MYO16: variants seen among roughly 807,000 people sequenced by gnomAD.
MYO16 encodes myosin XVI.
MYO16 carries 94 observed loss-of-function variants against 205.3 expected under a neutral mutation model. The observed-to-expected ratio is 0.46, with a 90% CI of 0.39 to 0.54. The LOEUF (loss-of-function observed/expected upper bound fraction) is 0.54, where lower values mean the gene tolerates loss of function less well. MYO16 is among the 20% of genes least tolerant of loss of function. The pLI is 0.00. For synonymous variants in MYO16, 988 were observed against 954.0 expected (o/e 1.04, Z -0.66); for missense variants, 2,315 against 2,387.5 (o/e 0.97, Z 0.63).
chr13:109,141,297 C>G lies in MYO16; in HGVS notation c.5085C>G (p.Asp1695Glu), dbSNP rs376722053. The G allele has an allele frequency of 1.2e-5, 19 of 1,596,744 alleles. No homozygotes were observed. Among genetic ancestry groups the G allele is most frequent in the African/African-American group, 5.4e-5 (4 of 73,606 alleles). The change falls in exon 32 of 35, where the codon GAC becomes GAG. Residue 1695 changes from aspartate to glutamate, a missense_variant. Transcript: ENST00000457511. This position sits in a 1 kb window ranked among gnomAD's most constrained non-coding sequence, Gnocchi z 4.1. The part of the protein sequence containing the change: ...PSSRPLSSPL[D>E]ELASLFNSGR... ...CCAGGCCTCTCAGCAGCCCCCTGGA[C>G]GAGCTCGCCAGCCTCTTCAACTCGG...
At chr13:109,067,463 A>G (rs1249843153) in intron 27 of MYO16, among the ~76,000 whole-genome samples, 2 of 152,138 alleles carry the variant, frequency 1.3e-5, no homozygotes, top group Non-Finnish European at 2.9e-5. Flanking sequence ...GGGTGTCTCT[A>G]ACCACTACAG....
intron 23 of MYO16, among the ~76,000 whole-genome samples, chr13:109,022,288 T>C (rs1886065170): frequency 7.9e-6 from 1 of 126,236 alleles, no homozygotes; most frequent in African/African-American, 3.1e-5. Flanking sequence ...TATATACAAA[T>C]ATAATATACA....
intron 2 of MYO16, among the ~76,000 whole-genome samples, chr13:108,671,659 G>T (rs2139446333): frequency 6.6e-6 from 1 of 152,276 alleles, no homozygotes; most frequent in South Asian, 2.1e-4. Context: ...TGTCTGTTCA[G>T]CTCAGTCTGC....
At chr13:109,183,435 T>C (rs1879541540) in intron 34 of MYO16, among the ~76,000 whole-genome samples, 1 of 152,204 alleles carries the variant, frequency 6.6e-6, no homozygotes, top group South Asian at 2.1e-4. Context: ...ACAAAAATGC[T>C]TGGTACTTGC....
chr13:109,008,740 G>A (rs1191245238), intron 21 of MYO16, among the ~76,000 whole-genome samples, 157 bp from the exon 22 acceptor site: 1 of 145,134 alleles, frequency 6.9e-6, no homozygotes, highest in Non-Finnish European at 1.5e-5. Context: ...TCTATCTTGT[G>A]TATGCACTAC....
intron 34 of MYO16, among the ~76,000 whole-genome samples, chr13:109,184,301 C>A (rs1223032512): frequency 3.3e-5 from 5 of 152,062 alleles, no homozygotes; most frequent in Non-Finnish European, 7.4e-5. Flanking sequence ...TCGTGACTTA[C>A]AGATTATGTG....
chr13:108,910,393 G>A (rs1337934), intron 16 of MYO16, among the ~76,000 whole-genome samples: 1 of 151,946 alleles, frequency 6.6e-6, no homozygotes, highest in African/African-American at 2.4e-5. Flanking sequence ...AACTTGTGCA[G>A]ATATAAACTC....
At chr13:108,659,238 C>T (rs1357120776) in intron 1 of MYO16, 1 of 157,002 alleles carries the variant, frequency 6.4e-6, no homozygotes, top group African/African-American at 2.6e-5. Context: ...TATATATATG[C>T]TATATATGAT....
intron 21 of MYO16, among the ~76,000 whole-genome samples, chr13:109,005,331 C>A (rs1338689956): frequency 6.6e-6 from 1 of 152,102 alleles, no homozygotes; most frequent in Admixed American, 6.5e-5. Flanking sequence ...AAGAAACCAT[C>A]TTTTACCATG....
chr13:108,830,000 C>A, intron 9 of MYO16, among the ~76,000 whole-genome samples: 1 of 142,556 alleles, frequency 7.0e-6, no homozygotes. Flanking sequence ...CCAAAAAACA[C>A]ATGAAAAAAT....
intron 11 of MYO16, among the ~76,000 whole-genome samples, chr13:108,862,518 A>G (rs901076152): frequency 2.6e-5 from 4 of 152,134 alleles, no homozygotes; most frequent in African/African-American, 9.7e-5. Context: ...TGATCACAGC[A>G]CCTTTGTCCT....
intron 6 of MYO16, among the ~76,000 whole-genome samples, chr13:108,804,060 G>C (rs1190088543): frequency 1.3e-5 from 2 of 152,174 alleles, no homozygotes; most frequent in East Asian, 3.9e-4. Flanking sequence ...TCTGAGTGCT[G>C]GAGGCTGCAG....
chr13:108,601,150 G>A (rs879825052), intron 1 of MYO16, among the ~76,000 whole-genome samples: 34 of 152,154 alleles, frequency 2.2e-4, no homozygotes, highest in African/African-American at 6.0e-4. Flanking sequence ...TCAGTGCATC[G>A]TTTCCCTTTG....
intron 21 of MYO16, among the ~76,000 whole-genome samples, chr13:109,008,153 C>T (rs1353989166): frequency 1.3e-5 from 2 of 152,218 alleles, no homozygotes; most frequent in South Asian, 2.1e-4. Flanking sequence ...CATTCCTAGA[C>T]TTCAGTTGAA....
the MYO16 span, among the ~76,000 whole-genome samples, chr13:108,549,323 A>T: frequency 6.6e-6 from 1 of 152,180 alleles, no homozygotes; most frequent in Non-Finnish European, 1.5e-5. Flanking sequence ...CAAGCCAACA[A>T]ATGCAGGCAC....
chr13:108,801,827 A>G (rs559706013), intron 6 of MYO16, among the ~76,000 whole-genome samples: 52 of 152,334 alleles, frequency 3.4e-4, no homozygotes, highest in African/African-American at 1.2e-3. Flanking sequence ...CTTATTGTCT[A>G]GTTAGTACAC....
At chr13:108,889,722 T>C (rs767608414) in intron 14 of MYO16, among the ~76,000 whole-genome samples, 1 of 152,176 alleles carries the variant, frequency 6.6e-6, no homozygotes, top group Admixed American at 6.5e-5. Flanking sequence ...AATATTATTT[T>C]AGAGGATACT....
chr13:108,708,510 C>T (rs1278678511), intron 2 of MYO16, among the ~76,000 whole-genome samples: 3 of 152,160 alleles, frequency 2.0e-5, no homozygotes, highest in South Asian at 2.1e-4. Context: ...CTCCCATATC[C>T]CCTCTAACCA....
At chr13:108,854,697 T>G (rs984889048) in intron 10 of MYO16, among the ~76,000 whole-genome samples, 1 of 152,174 alleles carries the variant, frequency 6.6e-6, no homozygotes, top group Non-Finnish European at 1.5e-5. Context: ...TTACATCAAA[T>G]GACTACTTTT....
Sources: allele counts gnomAD v4.1 joint callset (sites outside exome capture counted in the v4.1 genomes callset), GRCh38; gene constraint gnomAD v4.1.1; non-coding constraint Gnocchi (gnomAD v3.1); transcripts MANE v1.5; gene names NCBI Gene and HGNC (gene_info 2026-07-23, HGNC 2026-07-21).